Variants in PRDM6 observed in about 807,000 individuals in gnomAD.
PRDM6 encodes PR/SET domain 6, also known as putative histone-lysine N-methyltransferase PRDM6.
Under a neutral mutation model 60.8 loss-of-function variants are expected in PRDM6, and 25 were observed. The ratio of observed to expected loss-of-function variants is 0.41; its 90% CI spans 0.30 to 0.57. The LOEUF is 0.57. Ranked by LOEUF, PRDM6 falls within the 20% of genes least tolerant of loss-of-function variation. The pLI is 0.27. For missense variants in PRDM6, 839 were observed against 821.3 expected, an observed-to-expected ratio of 1.02 and a Z score of -0.26; for synonymous variants, 407 against 357.4, an observed-to-expected ratio of 1.14 and a Z score of -1.57.
intron 7 of PRDM6, among the ~76,000 whole-genome samples, chr5:123,181,393 G>A (rs967359958): frequency 6.6e-6 from 1 of 152,202 alleles, no homozygotes; most frequent in African/African-American, 2.4e-5. Context: ...ATGTTTTGAA[G>A]GATAAGTAGG....
At chr5:123,156,843 A>G (rs1245284372) in intron 4 of PRDM6, among the ~76,000 whole-genome samples, 1 of 152,156 alleles carries the variant, frequency 6.6e-6, no homozygotes. Context: ...GGGCAAAAAC[A>G]AATCAAATAG....
At chr5:123,156,393 A>G (rs1477836398) in intron 4 of PRDM6, among the ~76,000 whole-genome samples, 1 of 152,166 alleles carries the variant, frequency 6.6e-6, no homozygotes, top group Non-Finnish European at 1.5e-5. Context: ...TCTTGCTTTC[A>G]GTCTCCTTCA....
chr5:123,094,189 G>A (rs1490621676), intron 2 of PRDM6, among the ~76,000 whole-genome samples: 2 of 152,206 alleles, frequency 1.3e-5, no homozygotes, highest in African/African-American at 4.8e-5. Context: ...CAAGGAAAGA[G>A]ACAAAGGAGG....
intron 3 of PRDM6, among the ~76,000 whole-genome samples, chr5:123,126,371 G>C (rs1764694872): frequency 6.6e-6 from 1 of 151,966 alleles, no homozygotes; most frequent in South Asian, 2.1e-4. Context: ...TTAAAAGTCT[G>C]GGCTCTGATG....
At chr5:123,112,553 C>T (rs1470674548) in intron 3 of PRDM6, among the ~76,000 whole-genome samples, 2 of 152,146 alleles carry the variant, frequency 1.3e-5, no homozygotes, top group Non-Finnish European at 2.9e-5. Context: ...GTTTCAATTG[C>T]TCCCCAAAAG....
chr5:123,093,930 G>A, intron 2 of PRDM6, among the ~76,000 whole-genome samples: 1 of 152,014 alleles, frequency 6.6e-6, no homozygotes, highest in East Asian at 1.9e-4. Flanking sequence ...GGGTGTCTCG[G>A]GGGAGAGTTG....
At chr5:123,138,090 T>C (rs1209491343) in intron 3 of PRDM6, among the ~76,000 whole-genome samples, 1 of 152,084 alleles carries the variant, frequency 6.6e-6, no homozygotes, top group Non-Finnish European at 1.5e-5. Flanking sequence ...TGGTTTTCCA[T>C]GATGTAAGAA....
rs11241676 is a variant in PRDM6, at chr5:123,168,588, A to G, written c.1154-2178A>G. Among the ~76,000 whole-genome samples, 807 of 152,316 alleles carry G rather than the reference A, an allele frequency of 5.3e-3. 8 individuals carry two copies. The highest frequency in any genetic ancestry group is 0.018 in the African/African-American group (756 of 41,564). On this transcript the variant is annotated intron_variant, in intron 5 of 7. Coordinates refer to ENST00000407847, the MANE Select transcript of PRDM6 (RefSeq NM_001136239.4). ...CTTTAGAAGCAGTTGGGAAACTTTAAAAAATGTAGATGCCCAGGCCCTATG... is the reference window on the plus strand; with the variant it reads ...CTTTAGAAGCAGTTGGGAAACTTTAGAAAATGTAGATGCCCAGGCCCTATG...
Position 123,170,760 on chromosome 5 carries a change from TC to T in PRDM6, c.1154-4del, listed in dbSNP as rs1223542569. 6.5e-7 allele frequency: 1 copy of T among 1,536,914 alleles called. No homozygotes were observed. The highest frequency in any genetic ancestry group is 2.5e-5 in the East Asian group (1 of 40,698). ...CTGTTCTTCTAAACTGTTGCTATTC[TC>T]CTAGTAAATGTCCCTTCAACGGTAA... On this transcript the variant is annotated splice_region_variant and splice_polypyrimidine_tract_variant and intron_variant, in intron 5 of 7. Transcript: ENST00000407847.
At chr5:123,105,643 T>C (rs573560085) in intron 3 of PRDM6, among the ~76,000 whole-genome samples, 16 of 152,352 alleles carry the variant, frequency 1.1e-4, no homozygotes, top group African/African-American at 3.6e-4. Flanking sequence ...TTTGCTATTC[T>C]AAAGAACCCT....
At chr5:123,130,361 C>T (rs1326872856) in intron 3 of PRDM6, among the ~76,000 whole-genome samples, 2 of 103,980 alleles carry the variant, frequency 1.9e-5, no homozygotes, top group Non-Finnish European at 3.6e-5. Context: ...TCCTTTTTTT[C>T]TTCCCTCCTC....
At chr5:123,096,040 C>G (rs1763950382) in intron 2 of PRDM6, among the ~76,000 whole-genome samples, 1 of 54,740 alleles carries the variant, frequency 1.8e-5, no homozygotes, top group Non-Finnish European at 3.9e-5. Context: ...CCTTCTGATG[C>G]CAGGAGGCGA....
chr5:123,108,494 T>A (rs1764242227), intron 3 of PRDM6, among the ~76,000 whole-genome samples: 2 of 152,162 alleles, frequency 1.3e-5, no homozygotes, highest in Admixed American at 1.3e-4. Flanking sequence ...ACCTGTTGTG[T>A]TTGTCCCAAA....
At chr5:123,142,532 G>A (rs1216289385) in intron 3 of PRDM6, among the ~76,000 whole-genome samples, 6 of 152,144 alleles carry the variant, frequency 3.9e-5, no homozygotes, top group Non-Finnish European at 8.8e-5. Flanking sequence ...AATTTAATGT[G>A]ATTATATGTT....
rs556457540 is a variant in PRDM6, at chr5:123,187,133, C to T, written c.1720C>T (p.Arg574Ter). ...RSFTQATQLS[R>*]HQRMPNECKP... ...CTTCACGCAGGCCACCCAGCTGAGC[C>T]GACACCAGCGGATGCCCAATGAGTG... The change falls in exon 8 of 8, where the codon CGA becomes TGA. Residue 574 changes from arginine (R) to a stop codon, truncating the protein, a stop_gained. Coordinates refer to ENST00000407847, the MANE Select transcript of PRDM6 (RefSeq NM_001136239.4). LOFTEE classifies it high-confidence loss of function. 4 of 1,551,524 alleles carry T rather than the reference C, an allele frequency of 2.6e-6. No homozygotes were observed. The highest frequency in any genetic ancestry group is 2.0e-5 in the Admixed American group (1 of 51,002).
intron 3 of PRDM6, among the ~76,000 whole-genome samples, chr5:123,137,011 C>G (rs2126856961): frequency 6.6e-6 from 1 of 152,366 alleles, no homozygotes; most frequent in South Asian, 2.1e-4. Flanking sequence ...GACACTTCTT[C>G]TCTTCATGCC....
chr5:123,127,532 T>A (rs1395543616), intron 3 of PRDM6, among the ~76,000 whole-genome samples: 1 of 152,194 alleles, frequency 6.6e-6, no homozygotes, highest in African/African-American at 2.4e-5. Flanking sequence ...TTGAAAAAAT[T>A]TAAGCATTGT....
At chr5:123,129,924 C>T (rs1764782394) in intron 3 of PRDM6, among the ~76,000 whole-genome samples, 1 of 152,170 alleles carries the variant, frequency 6.6e-6, no homozygotes. Flanking sequence ...CACTGATTGG[C>T]AGCTTGCCTG....
At chr5:123,123,480 A>T (rs1288773512) in intron 3 of PRDM6, among the ~76,000 whole-genome samples, 3 of 152,218 alleles carry the variant, frequency 2.0e-5, no homozygotes, top group African/African-American at 7.2e-5. Flanking sequence ...TGCCACAGAG[A>T]TCATGAAATG....
Sources: allele counts gnomAD v4.1 joint callset (sites outside exome capture counted in the v4.1 genomes callset), GRCh38; gene constraint gnomAD v4.1.1; transcripts MANE v1.5; gene names NCBI Gene and HGNC (gene_info 2026-07-23, HGNC 2026-07-21).